Variants in KCNAB1 observed in about 807,000 individuals in gnomAD.
KCNAB1 encodes the protein potassium voltage-gated channel subfamily A regulatory beta subunit 1.
Under a neutral mutation model 64.6 loss-of-function variants are expected in KCNAB1, and 35 were observed. That is an observed-to-expected ratio of 0.54 (90% confidence interval 0.41 to 0.72). The LOEUF is 0.72. Among genes scored for constraint, KCNAB1 ranks in the 30% least tolerant of loss-of-function variants. The probability of loss-of-function intolerance (pLI) is 0.00; values close to 1 mark genes in which losing one functional copy is unlikely to be tolerated. For synonymous variants in KCNAB1, 177 were observed against 183.8 expected (o/e 0.96, Z 0.30); for missense variants, 401 against 512.9 (o/e 0.78, Z 2.11).
intron 1 of KCNAB1, among the ~76,000 whole-genome samples, chr3:156,285,561 G>A (rs529628375): frequency 6.6e-5 from 10 of 152,236 alleles, no homozygotes; most frequent in African/African-American, 1.4e-4. Context: ...GTGCAGTGGC[G>A]TGACTCTTGG....
intron 13 of KCNAB1, among the ~76,000 whole-genome samples, chr3:156,534,453 T>C (rs1241628957): frequency 1.3e-5 from 2 of 151,736 alleles, no homozygotes; most frequent in Non-Finnish European, 2.9e-5. Flanking sequence ...CTCCCCCTCC[T>C]CCCCACATGC....
intron 11 of KCNAB1, 97 bp downstream of exon 11, chr3:156,516,461 A>C: frequency 5.6e-6 from 5 of 889,464 alleles, no homozygotes; most frequent in East Asian, 2.5e-5. Flanking sequence ...TTCCCAGCTC[A>C]GGCTGACTGT....
intron 8 of KCNAB1, among the ~76,000 whole-genome samples, chr3:156,480,225 T>C (rs1158650087): frequency 6.6e-6 from 1 of 152,160 alleles, no homozygotes; most frequent in African/African-American, 2.4e-5. Context: ...CGAAAAAACA[T>C]GATATAGAAG....
At chr3:156,504,751 G>GTTTTTTTTTT (rs71302274) in intron 8 of KCNAB1, among the ~76,000 whole-genome samples, 3 of 132,742 alleles carry the variant, frequency 2.3e-5, no homozygotes, top group South Asian at 2.4e-4. Flanking sequence ...TGTTTTTTTT[G>GTTTTTTTTTT]TTTTTTTTTT....
At chr3:156,213,892 A>G (rs916883553) in intron 1 of KCNAB1, among the ~76,000 whole-genome samples, 1 of 152,198 alleles carries the variant, frequency 6.6e-6, no homozygotes, top group Non-Finnish European at 1.5e-5. Flanking sequence ...AGGCTAAGCC[A>G]TGATTAGAAG....
rs865779037 is a variant in KCNAB1 at position 156,354,140 on chromosome 3, A to G, written c.276-67476A>G. On this transcript the variant is annotated intron_variant, in intron 1 of 13. Coordinates refer to ENST00000490337, the MANE Select transcript of KCNAB1 (RefSeq NM_172160.3). ...TGTGTGTATATATATATATATATAT[A>G]TATGTGTATATATATATATGTATAT... Among the ~76,000 whole-genome samples, 399 of 141,952 alleles carry G rather than the reference A, an allele frequency of 2.8e-3. 1 individual carries two copies. Among genetic ancestry groups the G allele is most frequent in the African/African-American group, 9.3e-3 (357 of 38,234 alleles). 93.1% of individuals were successfully genotyped at this position (141,952 alleles called of 152,430 possible).
chr3:156,299,975 T>C (rs557495057), intron 1 of KCNAB1, among the ~76,000 whole-genome samples: 1 of 152,284 alleles, frequency 6.6e-6, no homozygotes, highest in East Asian at 1.9e-4. Context: ...GTTTTCAGAA[T>C]TGTTGTCTAT....
chr3:156,229,161 T>C (rs1436961194), intron 1 of KCNAB1, among the ~76,000 whole-genome samples: 2 of 152,334 alleles, frequency 1.3e-5, no homozygotes, highest in East Asian at 1.9e-4. Flanking sequence ...CTCACACTAC[T>C]ATAAAGAAAT....
intron 12 of KCNAB1, among the ~76,000 whole-genome samples, chr3:156,527,520 C>T (rs950302981): frequency 3.9e-5 from 6 of 151,946 alleles, no homozygotes; most frequent in Admixed American, 2.6e-4. Flanking sequence ...TAAACTTAGC[C>T]CTGAAAGACA....
chr3:156,171,055 G>T (rs541623617), intron 1 of KCNAB1, among the ~76,000 whole-genome samples: 3 of 152,140 alleles, frequency 2.0e-5, no homozygotes, highest in Non-Finnish European at 4.4e-5. Context: ...GGCGGTGAGT[G>T]GGCTTTTACC....
At chr3:156,351,534 A>G (rs73164707) in intron 1 of KCNAB1, among the ~76,000 whole-genome samples, 4,609 of 152,224 alleles carry the variant, frequency 0.03, 105 homozygotes, top group Non-Finnish European at 0.047. Flanking sequence ...TTTAATCTTC[A>G]TTTGGCATCT....
chr3:156,260,597 A>T (rs912162472), intron 1 of KCNAB1, among the ~76,000 whole-genome samples: 7 of 152,212 alleles, frequency 4.6e-5, no homozygotes, highest in Non-Finnish European at 7.3e-5. Context: ...TGCATGTATC[A>T]GCAGTTCATT....
chr3:156,399,262 G>A (rs1372483508), intron 1 of KCNAB1, among the ~76,000 whole-genome samples: 3 of 152,106 alleles, frequency 2.0e-5, no homozygotes, highest in Admixed American at 6.5e-5. Context: ...GTATGGAAAG[G>A]CCACCCACAA....
At chr3:156,208,814 G>T (rs988700490) in intron 1 of KCNAB1, among the ~76,000 whole-genome samples, 71 of 152,264 alleles carry the variant, frequency 4.7e-4, no homozygotes, top group South Asian at 1.0e-3. Context: ...TATACACAGG[G>T]CAAGCCAAAG....
intron 1 of KCNAB1, among the ~76,000 whole-genome samples, chr3:156,263,326 A>G (rs1271055171): frequency 6.6e-6 from 1 of 151,882 alleles, no homozygotes. Context: ...TTAAAATTTT[A>G]TTTTCATTCA....
intron 1 of KCNAB1, among the ~76,000 whole-genome samples, chr3:156,198,011 G>T (rs564974174): frequency 5.3e-5 from 8 of 152,276 alleles, no homozygotes; most frequent in Non-Finnish European, 1.0e-4. Context: ...TGGTTTCAAA[G>T]AACTTATTTA....
intron 1 of KCNAB1, among the ~76,000 whole-genome samples, chr3:156,222,739 C>T (rs989894227): frequency 5.3e-5 from 8 of 152,144 alleles, no homozygotes; most frequent in African/African-American, 1.7e-4. Flanking sequence ...CTCTCTCAGA[C>T]TACAGTGGAA....
chr3:156,176,868 AC>A, intron 1 of KCNAB1: 1 of 1,139,240 alleles, frequency 8.8e-7, no homozygotes, highest in Non-Finnish European at 1.3e-6. Context: ...CTTGACTGGG[AC>A]CAGCGGTAAC....
At chr3:156,533,035 T>A (rs1182908597) in intron 13 of KCNAB1, among the ~76,000 whole-genome samples, 1 of 152,180 alleles carries the variant, frequency 6.6e-6, no homozygotes, top group African/African-American at 2.4e-5. Context: ...ATTCAACAGA[T>A]CTTTGAGAGC....
Sources: gnomAD v4.1 joint callset for allele counts (sites outside exome capture counted in the v4.1 genomes callset) on GRCh38, gnomAD v4.1.1 for gene constraint, MANE v1.5 for transcripts, NCBI Gene and HGNC (gene_info 2026-07-23, HGNC 2026-07-21) for gene names.